The following XKR6 variants were observed in gnomAD, a reference collection of about 807,000 sequenced individuals.
XKR6 encodes XK related 6.
XKR6 carries 22 observed loss-of-function variants against 56.7 expected under a neutral mutation model. The ratio of observed to expected loss-of-function variants is 0.39; its 90% CI spans 0.28 to 0.55. The LOEUF (loss-of-function observed/expected upper bound fraction) is 0.55, where lower values mean the gene tolerates loss of function less well. Among genes scored for constraint, XKR6 ranks in the 20% least tolerant of loss-of-function variants. XKR6 has a pLI of 0.66. For missense variants in XKR6, 852 were observed against 889.0 expected (o/e 0.96, Z 0.53); for synonymous variants, 524 against 387.8 (o/e 1.35, Z -4.13).
intron 1 of XKR6, among the ~76,000 whole-genome samples, chr8:11,116,252 T>C (rs1799166603): frequency 6.6e-6 from 1 of 152,198 alleles, no homozygotes; most frequent in African/African-American, 2.4e-5. Flanking sequence ...AAAACGTAAC[T>C]AATTCATAGA....
intron 1 of XKR6, among the ~76,000 whole-genome samples, chr8:10,954,561 T>A (rs57698321): frequency 0.1 from 15,584 of 152,264 alleles, 1,611 homozygotes; most frequent in African/African-American, 0.27. Context: ...TACAAGTCCT[T>A]AATCAAACAC....
At chr8:11,195,765 C>G (rs904616466) in intron 1 of XKR6, among the ~76,000 whole-genome samples, 1 of 151,686 alleles carries the variant, frequency 6.6e-6, no homozygotes, top group Non-Finnish European at 1.5e-5. Context: ...TCTCCTGCCT[C>G]GGCCTCCTGA....
intron 2 of XKR6, among the ~76,000 whole-genome samples, chr8:10,903,830 C>A (rs1257859774): frequency 6.6e-6 from 1 of 152,164 alleles, no homozygotes; most frequent in Non-Finnish European, 1.5e-5. Context: ...ACCGTGCGGA[C>A]AGAACTGTGC....
chr8:11,009,150 A>G (rs1020030683), intron 1 of XKR6, among the ~76,000 whole-genome samples: 1 of 152,020 alleles, frequency 6.6e-6, no homozygotes, highest in Non-Finnish European at 1.5e-5. Flanking sequence ...TTCCATAGTC[A>G]ATCAATCAAT....
intron 2 of XKR6, among the ~76,000 whole-genome samples, chr8:10,914,885 C>G (rs886810405): frequency 1.3e-5 from 2 of 152,218 alleles, no homozygotes; most frequent in East Asian, 3.9e-4. Context: ...CACTGGGAGC[C>G]CTCCCTTTGC....
In XKR6 at chr8:11,145,601, A is replaced by G. The variant is rs192980674; in HGVS notation, c.764+54975T>C. Among the ~76,000 whole-genome samples the G allele has an allele frequency of 2.0e-5, 3 of 152,372 alleles. No homozygotes were observed. In the East Asian group the frequency reaches 5.8e-4, roughly 29 times the overall value. ...TAACAAAAATAGAAATTAATAGGACAATGACATTAATAGCATCAACAATGA... is the reference window on the plus strand; with the variant it reads ...TAACAAAAATAGAAATTAATAGGACGATGACATTAATAGCATCAACAATGA... On this transcript the variant is annotated intron_variant, in intron 1 of 2. Coordinates refer to ENST00000416569, the MANE Select transcript of XKR6 (RefSeq NM_173683.4).
intron 1 of XKR6, among the ~76,000 whole-genome samples, chr8:11,001,500 G>T (rs1456100805): frequency 1.3e-5 from 2 of 152,144 alleles, no homozygotes; most frequent in Non-Finnish European, 2.9e-5. Flanking sequence ...TCCCAATTGA[G>T]CAGAAACATG....
chr8:11,087,952 A>T (rs1225621602), intron 1 of XKR6, among the ~76,000 whole-genome samples: 1 of 152,256 alleles, frequency 6.6e-6, no homozygotes, highest in African/African-American at 2.4e-5. Flanking sequence ...GGATAAGGAA[A>T]AGCCATTAAA....
intron 1 of XKR6, among the ~76,000 whole-genome samples, chr8:10,947,552 CT>C (rs1801589703): frequency 6.6e-6 from 1 of 152,094 alleles, no homozygotes; most frequent in South Asian, 2.1e-4. Flanking sequence ...CGAGAGGGCC[CT>C]GGTGATCAGG....
intron 2 of XKR6, among the ~76,000 whole-genome samples, chr8:10,919,307 C>T (rs773930577): frequency 2.6e-5 from 4 of 152,230 alleles, no homozygotes; most frequent in Non-Finnish European, 5.9e-5. Flanking sequence ...TCTGGAGGGG[C>T]TTTTCCTGAC....
intron 1 of XKR6, among the ~76,000 whole-genome samples, chr8:10,932,310 G>C (rs868530454): frequency 6.6e-6 from 1 of 152,108 alleles, no homozygotes; most frequent in South Asian, 2.1e-4. Context: ...CTCTCATAAA[G>C]TTAAACATAC....
intron 1 of XKR6, among the ~76,000 whole-genome samples, chr8:11,092,577 G>GA (rs1798110135): frequency 6.6e-6 from 1 of 152,172 alleles, no homozygotes; most frequent in African/African-American, 2.4e-5. Flanking sequence ...GTTAGAAAGA[G>GA]AAACTGCTGA....
chr8:11,080,307 A>G (rs1395413985), intron 1 of XKR6, among the ~76,000 whole-genome samples: 1 of 152,198 alleles, frequency 6.6e-6, no homozygotes, highest in Non-Finnish European at 1.5e-5. Context: ...TGTCCAAGCT[A>G]TAGCCTATGC....
chr8:11,073,837 G>A (rs1044660915), intron 1 of XKR6, among the ~76,000 whole-genome samples: 4 of 152,086 alleles, frequency 2.6e-5, no homozygotes, highest in South Asian at 2.1e-4. Flanking sequence ...AGAATAAAGC[G>A]AAAGCCCTTG....
intron 1 of XKR6, among the ~76,000 whole-genome samples, chr8:10,943,308 C>G (rs1426678846): frequency 6.6e-6 from 1 of 152,214 alleles, no homozygotes; most frequent in African/African-American, 2.4e-5. Context: ...TCCCATTTGA[C>G]AGATGAGGAA....
intron 2 of XKR6, among the ~76,000 whole-genome samples, chr8:10,916,029 G>A (rs988485580): frequency 6.6e-6 from 1 of 152,204 alleles, no homozygotes; most frequent in Non-Finnish European, 1.5e-5. Flanking sequence ...GTGCCGCTGG[G>A]GCTGAAAGCC....
intron 1 of XKR6, among the ~76,000 whole-genome samples, chr8:11,095,124 G>A (rs982774040): frequency 6.6e-6 from 1 of 152,178 alleles, no homozygotes; most frequent in Non-Finnish European, 1.5e-5. Flanking sequence ...GCAGCTCCAG[G>A]CTAGAGAAAC....
intron 2 of XKR6, among the ~76,000 whole-genome samples, chr8:10,921,503 G>T (rs1406771483): frequency 6.6e-6 from 1 of 152,224 alleles, no homozygotes; most frequent in Non-Finnish European, 1.5e-5. Flanking sequence ...CGTGGAGTTT[G>T]AAAGTTTACA....
At chr8:11,016,853 CCCT>C (rs1473479383) in intron 1 of XKR6, among the ~76,000 whole-genome samples, 2 of 152,250 alleles carry the variant, frequency 1.3e-5, no homozygotes, top group Non-Finnish European at 2.9e-5. Flanking sequence ...TTTTCCAGTT[CCCT>C]CCTCAATTTC....
Sources: allele counts gnomAD v4.1 joint callset (sites outside exome capture counted in the v4.1 genomes callset), GRCh38; gene constraint gnomAD v4.1.1; transcripts MANE v1.5; gene names NCBI Gene and HGNC (gene_info 2026-07-23, HGNC 2026-07-21).